The following TM2D1 variants were observed in gnomAD, a reference collection of about 807,000 sequenced individuals.
TM2D1 encodes the protein TM2 domain containing 1, also known as TM2 domain-containing protein 1.
In TM2D1, 15 loss-of-function variants were observed where a neutral mutation model predicts 28.4. The ratio of observed to expected loss-of-function variants is 0.53; its 90% CI spans 0.35 to 0.81. TM2D1 has a LOEUF of 0.81. Among genes scored for constraint, TM2D1 ranks in the 40% least tolerant of loss-of-function variants. TM2D1 has a pLI of 0.01. For missense variants in TM2D1, 236 were observed against 254.9 expected, an observed-to-expected ratio of 0.93 and a Z score of 0.50; for synonymous variants, 93 against 96.2, an observed-to-expected ratio of 0.97 and a Z score of 0.20.
rs530471575 is a variant in TM2D1, at chr1:61,700,619, C to T, written c.439+315G>A. Among the ~76,000 whole-genome samples, 9 of 152,242 alleles carry T rather than the reference C, an allele frequency of 5.9e-5. No homozygotes were observed. In the South Asian group the frequency reaches 6.2e-4, roughly 11 times the overall value. On this transcript the variant is annotated intron_variant, in intron 4 of 6. Transcript: ENST00000606498. ...GAGTGGTAGAGGATGTACATTTATT[C>T]GTAAAACATTAACTAAACATCCAGT...
In TM2D1 at chr1:61,717,115, G is replaced by A. The variant is rs187132243; in HGVS notation, c.238+6598C>T. Among the ~76,000 whole-genome samples, 59 of 152,186 alleles carry A rather than the reference G, an allele frequency of 3.9e-4. No individual in the cohort carries two copies. In the East Asian group the frequency reaches 0.01, roughly 27 times the overall value. ...TGGAATCCCAGCACTTTGGGAGGCCGAGGCCAGCGGATCATGAGGTCAGGA... is the reference window on the plus strand; with the variant it reads ...TGGAATCCCAGCACTTTGGGAGGCCAAGGCCAGCGGATCATGAGGTCAGGA... On this transcript the variant is annotated intron_variant, in intron 2 of 6. Coordinates refer to ENST00000606498, the MANE Select transcript of TM2D1 (RefSeq NM_032027.3).
intron 2 of TM2D1, among the ~76,000 whole-genome samples, chr1:61,717,789 A>G (rs1644533181): frequency 6.6e-6 from 1 of 152,142 alleles, no homozygotes; most frequent in Non-Finnish European, 1.5e-5. Context: ...AACCAGAAAT[A>G]ATGTAATCAG....
chr1:61,711,047 C>T (rs551540252), intron 2 of TM2D1, among the ~76,000 whole-genome samples: 11 of 152,130 alleles, frequency 7.2e-5, no homozygotes, highest in Admixed American at 2.0e-4. Flanking sequence ...AAACAAAGGG[C>T]GGTCGGGCGC....
intron 3 of TM2D1, among the ~76,000 whole-genome samples, chr1:61,704,707 C>G (rs1644428573): frequency 6.6e-6 from 1 of 152,122 alleles, no homozygotes; most frequent in Admixed American, 6.5e-5. Context: ...GTTGGGATTA[C>G]AGGCTGAGCC....
chr1:61,723,346 T>C (rs1317077605), intron 2 of TM2D1, among the ~76,000 whole-genome samples: 1 of 152,114 alleles, frequency 6.6e-6, no homozygotes, highest in Non-Finnish European at 1.5e-5. Flanking sequence ...ATGATATAAG[T>C]GGAGAGCTAA....
At chr1:61,700,051 A>C in intron 4 of TM2D1, 1 of 1,309,766 alleles carries the variant, frequency 7.6e-7, no homozygotes, top group Non-Finnish European at 9.8e-7. Flanking sequence ...GTGAAGGGCT[A>C]ATATAGAAGC....
intron 2 of TM2D1, among the ~76,000 whole-genome samples, chr1:61,716,652 A>G (rs913394284): frequency 9.3e-5 from 14 of 149,984 alleles, no homozygotes; most frequent in African/African-American, 3.4e-4. Context: ...GAGAAATTCA[A>G]CACTTCGAAG....
At chr1:61,718,558 G>A (rs1022199547) in intron 2 of TM2D1, among the ~76,000 whole-genome samples, 1 of 152,118 alleles carries the variant, frequency 6.6e-6, no homozygotes, top group African/African-American at 2.4e-5. Flanking sequence ...TGGCCTTAAT[G>A]AGCATCCCTT....
chr1:61,697,065 T>G (rs77378008), intron 4 of TM2D1, among the ~76,000 whole-genome samples: 3,380 of 152,292 alleles, frequency 0.022, 122 homozygotes, highest in African/African-American at 0.077. Context: ...TTATTGCCCT[T>G]CCTGTCTGTG....
chr1:61,684,680 T>TACA (rs1461535982), intron 5 of TM2D1, among the ~76,000 whole-genome samples: 1 of 17,778 alleles, frequency 5.6e-5, no homozygotes, highest in East Asian at 7.7e-4. Flanking sequence ...GTATCATTAT[T>TACA]ATAACAAGTT....
At chr1:61,690,345 T>A (rs1644314434) in intron 5 of TM2D1, among the ~76,000 whole-genome samples, 1 of 149,692 alleles carries the variant, frequency 6.7e-6, no homozygotes, top group Non-Finnish European at 1.5e-5. Context: ...TAATCCTAGC[T>A]ACTCAGGAGG....
chr1:61,710,782 T>C (rs1015916711), intron 2 of TM2D1, among the ~76,000 whole-genome samples: 3 of 152,090 alleles, frequency 2.0e-5, no homozygotes, highest in African/African-American at 7.2e-5. Context: ...GATAGTATTT[T>C]CTATCATTTA....
At chr1:61,697,015 G>T (rs1644368064) in intron 4 of TM2D1, among the ~76,000 whole-genome samples, 1 of 151,914 alleles carries the variant, frequency 6.6e-6, no homozygotes, top group African/African-American at 2.4e-5. Context: ...AGTAGTTGCT[G>T]GGCTAACATT....
At chr1:61,681,942 G>A (rs1189178899) in intron 6 of TM2D1, among the ~76,000 whole-genome samples, 2 of 152,124 alleles carry the variant, frequency 1.3e-5, no homozygotes, top group African/African-American at 4.8e-5. Flanking sequence ...AGAAGAGGTA[G>A]ATGGATCTCT....
At chr1:61,716,098 C>A (rs914105156) in intron 2 of TM2D1, among the ~76,000 whole-genome samples, 4 of 151,802 alleles carry the variant, frequency 2.6e-5, no homozygotes, top group Non-Finnish European at 5.9e-5. Context: ...AGCCACCACG[C>A]CCAGCCGAGC....
chr1:61,690,384 G>C (rs1644314733), intron 5 of TM2D1, among the ~76,000 whole-genome samples: 2 of 149,084 alleles, frequency 1.3e-5, no homozygotes, highest in South Asian at 2.1e-4. Flanking sequence ...TTGAAGCCGG[G>C]AGGCAGAGAT....
At chr1:61,696,402 G>A (rs1229207359) in intron 4 of TM2D1, among the ~76,000 whole-genome samples, 1 of 152,134 alleles carries the variant, frequency 6.6e-6, no homozygotes, top group Admixed American at 6.6e-5. Flanking sequence ...ATCCAGGCAT[G>A]GTGGCATACG....
Position 61,691,921 on chromosome 1 carries a change from T to TAAAA in TM2D1, c.513+2772_513+2775dup, listed in dbSNP as rs1316880566. ...CGAAAACTCCATCTCAAAAAAAACT[T>TAAAA]AAAAAAAAAAAATATATATATATAT... On this transcript the variant is annotated intron_variant, in intron 5 of 6. Transcript: ENST00000606498. Among the ~76,000 whole-genome samples, 178 of 62,038 alleles carry TAAAA rather than the reference T, an allele frequency of 2.9e-3. 3 individuals carry two copies. The highest frequency in any genetic ancestry group is 6.5e-3 in the African/African-American group (114 of 17,536). 40.7% of individuals were successfully genotyped at this position (62,038 alleles called of 152,430 possible). A position where few individuals can be genotyped will look rare whatever the true frequency, so the allele number is the denominator to read the frequency against.
chr1:61,704,802 C>G (rs1376207636), intron 3 of TM2D1, among the ~76,000 whole-genome samples: 1 of 152,046 alleles, frequency 6.6e-6, no homozygotes. Flanking sequence ...CAGTGGCTCT[C>G]ACCTGTAATC....
Sources: allele counts gnomAD v4.1 joint callset (sites outside exome capture counted in the v4.1 genomes callset), GRCh38; gene constraint gnomAD v4.1.1; transcripts MANE v1.5; gene names NCBI Gene and HGNC (gene_info 2026-07-23, HGNC 2026-07-21).